Variants in CNTN5 observed in about 807,000 individuals in gnomAD.
CNTN5 encodes the protein contactin 5, also known as contactin-5.
CNTN5 carries 77 observed loss-of-function variants against 129.1 expected under a neutral mutation model. That is an observed-to-expected ratio of 0.60 (90% CI 0.50 to 0.72). The LOEUF (loss-of-function observed/expected upper bound fraction) is 0.72, where lower values mean the gene tolerates loss of function less well. Among genes scored for constraint, CNTN5 ranks in the 30% least tolerant of loss-of-function variants. The pLI, the probability that CNTN5 is intolerant of heterozygous loss-of-function variation, is 0.00. For synonymous variants in CNTN5, 509 were observed against 465.6 expected (o/e 1.09, Z -1.20); for missense variants, 1,478 against 1,328.8 (o/e 1.11, Z -1.75).
intron 9 of CNTN5, among the ~76,000 whole-genome samples, chr11:100,035,993 T>C (rs1328878771): frequency 6.6e-6 from 1 of 152,230 alleles, no homozygotes; most frequent in Non-Finnish European, 1.5e-5. Context: ...ATGTCAATTT[T>C]GGCTTTTGGT....
At chr11:99,952,988 A>G (rs187327307) in intron 7 of CNTN5, among the ~76,000 whole-genome samples, 3 of 152,154 alleles carry the variant, frequency 2.0e-5, no homozygotes, top group Admixed American at 6.6e-5. Context: ...GTTCTCTCCA[A>G]ATTCTTTGAC....
intron 2 of CNTN5, among the ~76,000 whole-genome samples, chr11:99,502,634 T>C (rs894216259): frequency 6.6e-6 from 1 of 152,176 alleles, no homozygotes; most frequent in African/African-American, 2.4e-5. Context: ...TTAAACCTCT[T>C]TTCTTTATAA....
intron 3 of CNTN5, among the ~76,000 whole-genome samples, chr11:99,803,431 G>T (rs1010793578): frequency 6.6e-6 from 1 of 152,172 alleles, no homozygotes; most frequent in Non-Finnish European, 1.5e-5. Flanking sequence ...TTTAGAGCAG[G>T]TGACCCAAGC....
At position 99,406,319 on chromosome 11, in the gene CNTN5, T is replaced by A. The variant is rs111403124; in HGVS notation, c.-71+80835T>A. 2.2e-3 allele frequency among the ~76,000 whole-genome samples: 330 copies of A among 152,170 alleles called. 1 individual carries two copies. The highest frequency in any genetic ancestry group is 7.7e-3 in the African/African-American group (318 of 41,504). On this transcript the variant is annotated intron_variant, in intron 2 of 24. Coordinates refer to ENST00000524871, the MANE Select transcript of CNTN5 (RefSeq NM_014361.4). ...ACTCATAGAGGTACCACCTTGATGG[T>A]CTTGGATAAGAGCCAGAAGAATTCT...
intron 1 of CNTN5, among the ~76,000 whole-genome samples, chr11:99,104,316 C>A (rs567823462): frequency 3.3e-5 from 5 of 151,980 alleles, no homozygotes; most frequent in Admixed American, 3.3e-4. Flanking sequence ...CTGTCCTGTG[C>A]ATTTTTGGAT....
At position 99,845,094 on chromosome 11, in the gene CNTN5, C is replaced by T. The variant is rs753004095; in HGVS notation, c.409C>T (p.Arg137Ter). 2.5e-6 allele frequency: 4 copies of T among 1,612,704 alleles called. No individual in the cohort carries two copies. In the African/African-American group the frequency reaches 4.0e-5, roughly 16 times the overall value. ...TTCTGATTTTTTCCTAAGATGGCTTCGAAATGGAACAGAAATAGATCTGGA... is the reference window on the plus strand; with the variant it reads ...TTCTGATTTTTTCCTAAGATGGCTTTGAAATGGAACAGAAATAGATCTGGA... ...GNPVPSYRWL[R>*]NGTEIDLESD... is the part of the protein sequence containing the mutation. Residue 137 changes from arginine (R) to a stop codon, truncating the protein, a stop_gained, in exon 6 of 25, where the codon CGA becomes TGA. Coordinates refer to ENST00000524871, the MANE Select transcript of CNTN5 (RefSeq NM_014361.4). LOFTEE classifies it high-confidence loss of function.
chr11:99,204,849 C>T (rs764450683), intron 1 of CNTN5, among the ~76,000 whole-genome samples: 105 of 152,292 alleles, frequency 6.9e-4, no homozygotes, highest in Non-Finnish European at 1.3e-3. Flanking sequence ...ATTAAGCCTA[C>T]AGTTCCTTGC....
chr11:99,283,636 G>A (rs922845131), intron 1 of CNTN5, among the ~76,000 whole-genome samples: 11 of 152,124 alleles, frequency 7.2e-5, no homozygotes, highest in Admixed American at 1.3e-4. Flanking sequence ...ACAAAGACCA[G>A]TTGTTTGCTA....
At chr11:99,856,216 T>C (rs1231248534) in intron 6 of CNTN5, among the ~76,000 whole-genome samples, 1 of 152,192 alleles carries the variant, frequency 6.6e-6, no homozygotes, top group African/African-American at 2.4e-5. Context: ...TTTCTAGGGC[T>C]ACAGCTGGAA....
At chr11:99,616,739 C>A (rs1016359621) in intron 3 of CNTN5, among the ~76,000 whole-genome samples, 4 of 152,100 alleles carry the variant, frequency 2.6e-5, no homozygotes, top group African/African-American at 9.7e-5. Flanking sequence ...ATGATGACTA[C>A]ATGGGAGGTA....
intron 3 of CNTN5, among the ~76,000 whole-genome samples, chr11:99,564,776 T>C (rs1470798615): frequency 2.6e-5 from 4 of 152,160 alleles, no homozygotes; most frequent in Non-Finnish European, 4.4e-5. Flanking sequence ...GAGATAGCAA[T>C]TGGAAGAAGA....
chr11:99,481,586 C>T (rs978906253), intron 2 of CNTN5, among the ~76,000 whole-genome samples: 2 of 152,232 alleles, frequency 1.3e-5, no homozygotes, highest in Admixed American at 6.5e-5. Context: ...ATTAAAACAA[C>T]TTAATCACTC....
intron 2 of CNTN5, among the ~76,000 whole-genome samples, chr11:99,334,778 T>G (rs190146953): frequency 3.4e-4 from 52 of 152,218 alleles, no homozygotes; most frequent in Non-Finnish European, 7.2e-4. Flanking sequence ...CATGTAGAAA[T>G]TATAATATTT....
intron 9 of CNTN5, 26 bp from the exon 10 acceptor site, chr11:100,061,186 A>C: frequency 6.4e-7 from 1 of 1,574,036 alleles, no homozygotes; most frequent in Non-Finnish European, 8.7e-7. Context: ...AGAGTGTATT[A>C]ACAGTATTTT....
chr11:99,292,465 T>A (rs1174605714), intron 1 of CNTN5, among the ~76,000 whole-genome samples: 1 of 151,856 alleles, frequency 6.6e-6, no homozygotes, highest in African/African-American at 2.4e-5. Flanking sequence ...GAAAATTTCT[T>A]TCTCTTGTCG....
At chr11:99,606,669 G>C (rs185092675) in intron 3 of CNTN5, among the ~76,000 whole-genome samples, 31,647 of 131,040 alleles carry the variant, frequency 0.24, 6,541 homozygotes, top group East Asian at 0.5. Context: ...ATCAAAGCTG[G>C]AGACATCACA....
rs147640433 is a variant in CNTN5 at position 100,159,077 on chromosome 11, T to C, written c.1581-32049T>C. Among the ~76,000 whole-genome samples the C allele has an allele frequency of 8.4e-4, 128 of 151,964 alleles. 1 individual carries two copies. The highest frequency in any genetic ancestry group is 2.9e-3 in the African/African-American group (119 of 41,508). ...AAGGAGTAAGACACAAAGGAGCACA[T>C]ACTGTGCAATTCTATTCACCTAAAG... On this transcript the variant is annotated intron_variant, in intron 13 of 24. Coordinates refer to ENST00000524871, the MANE Select transcript of CNTN5 (RefSeq NM_014361.4).
chr11:100,237,741 C>G (rs1394290144), intron 16 of CNTN5, among the ~76,000 whole-genome samples: 2 of 152,114 alleles, frequency 1.3e-5, no homozygotes, highest in South Asian at 2.1e-4. Context: ...TTTCTCTCCT[C>G]TTTCATTTTA....
At chr11:100,304,959 T>G (rs966834179) in intron 20 of CNTN5, among the ~76,000 whole-genome samples, 2 of 151,338 alleles carry the variant, frequency 1.3e-5, no homozygotes, top group Non-Finnish European at 3.0e-5. Context: ...CCACATCTAT[T>G]TTGCCTCTTT....
Sources: allele counts gnomAD v4.1 joint callset (sites outside exome capture counted in the v4.1 genomes callset), GRCh38; gene constraint gnomAD v4.1.1; transcripts MANE v1.5; gene names NCBI Gene and HGNC (gene_info 2026-07-23, HGNC 2026-07-21).